GAB2: variants seen among roughly 807,000 people sequenced by gnomAD.
GAB2 encodes the protein GRB2 associated binding protein 2, also known as GRB2-associated-binding protein 2.
GAB2 carries 26 observed loss-of-function variants against 65.5 expected under a neutral mutation model. The ratio of observed to expected loss-of-function variants is 0.40; its 90% CI spans 0.29 to 0.55. The LOEUF is 0.55. Among genes scored for constraint, GAB2 ranks in the 20% least tolerant of loss-of-function variants. GAB2 has a pLI of 0.53. For missense variants in GAB2, 884 were observed against 875.8 expected (o/e 1.01, Z -0.12); for synonymous variants, 321 against 329.6 (o/e 0.97, Z 0.28).
intron 7 of GAB2, 116 bp from the exon 8 acceptor site, chr11:78,221,895 A>G (rs367642342): frequency 1.3e-5 from 9 of 708,690 alleles, no homozygotes; most frequent in African/African-American, 1.1e-4. Flanking sequence ...AGAGCTGCAC[A>G]CTCCATCAGA....
At chr11:78,226,152 A>G (rs1806274413) in intron 4 of GAB2, among the ~76,000 whole-genome samples, 1 of 152,260 alleles carries the variant, frequency 6.6e-6, no homozygotes, top group Non-Finnish European at 1.5e-5. Context: ...ACAAATGAAT[A>G]AAATACAATG....
chr11:78,408,440 T>C (rs1452515670), intron 1 of GAB2, among the ~76,000 whole-genome samples: 1 of 152,048 alleles, frequency 6.6e-6, no homozygotes, highest in Admixed American at 6.6e-5. Flanking sequence ...AATGGAATTC[T>C]AAAAAATATT....
At chr11:78,360,599 TG>T (rs1333905405) in intron 1 of GAB2, among the ~76,000 whole-genome samples, 1 of 152,172 alleles carries the variant, frequency 6.6e-6, no homozygotes, top group Non-Finnish European at 1.5e-5. Context: ...GGCTCATGCC[TG>T]TAATCACAGC....
intron 1 of GAB2, among the ~76,000 whole-genome samples, chr11:78,340,646 G>A (rs1856076501): frequency 6.6e-6 from 1 of 151,176 alleles, no homozygotes; most frequent in South Asian, 2.1e-4. Flanking sequence ...ATGGGCAGGA[G>A]TTTAGTAAGA....
intron 3 of GAB2, among the ~76,000 whole-genome samples, chr11:78,242,364 T>C (rs1355982016): frequency 6.6e-6 from 1 of 152,096 alleles, no homozygotes; most frequent in Non-Finnish European, 1.5e-5. Flanking sequence ...TAGCTGGGTG[T>C]GGTGGCGGGC....
chr11:78,417,807 G>A lies in GAB2; in HGVS notation c.-87C>T, dbSNP rs1181540205. 21 of 672,244 alleles carry A rather than the reference G, an allele frequency of 3.1e-5. 1 individual carries two copies. In the Admixed American group the frequency reaches 1.2e-3, roughly 38 times the overall value. The allele number at this position is 672,244 out of a possible 1,614,324, so 41.6% of individuals were successfully genotyped here. A position where few individuals can be genotyped will look rare whatever the true frequency, so the allele number is the denominator to read the frequency against. On this transcript the variant is annotated 5_prime_UTR_variant, in exon 1 of 10. Coordinates refer to ENST00000361507, the MANE Select transcript of GAB2 (RefSeq NM_080491.3). ...GGCAGCGGCCGGCGGTGCGCAGCTC[G>A]CGGGAGGCCAGGGGCGGGGCGGGCG...
At chr11:78,377,639 T>G (rs1856647634) in intron 1 of GAB2, among the ~76,000 whole-genome samples, 1 of 152,164 alleles carries the variant, frequency 6.6e-6, no homozygotes, top group Admixed American at 6.5e-5. Flanking sequence ...GGACTCAGCT[T>G]TATATGGTCC....
chr11:78,315,200 C>T (rs1022633287), intron 1 of GAB2, among the ~76,000 whole-genome samples: 4 of 152,204 alleles, frequency 2.6e-5, no homozygotes, highest in African/African-American at 9.7e-5. Flanking sequence ...GGCTGGCTGT[C>T]TATCCCAATC....
intron 2 of GAB2, among the ~76,000 whole-genome samples, chr11:78,255,605 G>T (rs1865575433): frequency 6.6e-6 from 1 of 152,178 alleles, no homozygotes. Context: ...AGGTTCCGGG[G>T]AGGTGCTACC....
At chr11:78,264,180 T>C (rs1451748102) in intron 2 of GAB2, among the ~76,000 whole-genome samples, 3 of 152,224 alleles carry the variant, frequency 2.0e-5, no homozygotes, top group African/African-American at 4.8e-5. Flanking sequence ...ATGACAGAGA[T>C]TGGACTGAAT....
intron 1 of GAB2, among the ~76,000 whole-genome samples, chr11:78,333,202 CT>C (rs1268661082): frequency 6.6e-6 from 1 of 152,180 alleles, no homozygotes; most frequent in Non-Finnish European, 1.5e-5. Flanking sequence ...AATACACATA[CT>C]GATAAGTCCT....
intron 1 of GAB2, among the ~76,000 whole-genome samples, chr11:78,410,924 G>C (rs1042913589): frequency 2.6e-5 from 4 of 152,018 alleles, no homozygotes; most frequent in African/African-American, 9.7e-5. Context: ...CAAGGTGGGA[G>C]GACTGCTTAA....
intron 1 of GAB2, among the ~76,000 whole-genome samples, chr11:78,294,508 C>T (rs59930501): frequency 0.039 from 5,957 of 152,212 alleles, 385 homozygotes; most frequent in African/African-American, 0.14. Flanking sequence ...TCTACAATGG[C>T]TGAACTAGTT....
At chr11:78,304,539 A>G (rs534706658) in intron 1 of GAB2, among the ~76,000 whole-genome samples, 15 of 152,328 alleles carry the variant, frequency 9.8e-5, no homozygotes, top group Admixed American at 9.8e-4. Flanking sequence ...TGGAGAGACA[A>G]AGAAGAAATA....
chr11:78,267,789 CAG>C (rs1865906552), intron 2 of GAB2, among the ~76,000 whole-genome samples: 1 of 136,038 alleles, frequency 7.4e-6, no homozygotes, highest in Non-Finnish European at 1.5e-5. Flanking sequence ...ACCTGGGAGG[CAG>C]AGTTTGCAGT....
intron 1 of GAB2, among the ~76,000 whole-genome samples, chr11:78,324,188 G>T (rs565850275): frequency 6.6e-6 from 1 of 152,072 alleles, no homozygotes; most frequent in Non-Finnish European, 1.5e-5. Context: ...AAGTACACAG[G>T]AGGAGACAGA....
chr11:78,415,164 G>A (rs954972781), intron 1 of GAB2, among the ~76,000 whole-genome samples: 11 of 152,194 alleles, frequency 7.2e-5, no homozygotes, highest in African/African-American at 2.2e-4. Flanking sequence ...AAGCCACTGC[G>A]CCCAGACTTC....
chr11:78,268,651 G>C (rs1865929332), intron 2 of GAB2, among the ~76,000 whole-genome samples: 1 of 151,154 alleles, frequency 6.6e-6, no homozygotes, highest in Non-Finnish European at 1.5e-5. Context: ...ATGCTCCCAA[G>C]TCTAACAGTC....
chr11:78,379,411 G>T (rs1360300341), intron 1 of GAB2, among the ~76,000 whole-genome samples: 2 of 152,248 alleles, frequency 1.3e-5, no homozygotes, highest in South Asian at 4.1e-4. Flanking sequence ...TTCTTGCCTT[G>T]GTTTCCTCCT....
Sources: allele counts gnomAD v4.1 joint callset (sites outside exome capture counted in the v4.1 genomes callset), GRCh38; gene constraint gnomAD v4.1.1; transcripts MANE v1.5; gene names NCBI Gene and HGNC (gene_info 2026-07-23, HGNC 2026-07-21).